The following FMNL2 variants were observed in gnomAD, a reference collection of about 807,000 sequenced individuals.
FMNL2 encodes formin-like protein 2.
FMNL2 carries 51 observed loss-of-function variants against 130.2 expected under a neutral mutation model. The observed-to-expected ratio is 0.39, with a 90% CI of 0.31 to 0.49. The LOEUF is 0.49. Ranked by LOEUF, FMNL2 falls within the 20% of genes least tolerant of loss-of-function variation. The probability of loss-of-function intolerance (pLI) is 0.85; values close to 1 mark genes in which losing one functional copy is unlikely to be tolerated. For missense variants in FMNL2, 977 were observed against 1,316.2 expected, an observed-to-expected ratio of 0.74 and a Z score of 3.99; for synonymous variants, 465 against 467.1, an observed-to-expected ratio of 1.00 and a Z score of 0.06.
intron 1 of FMNL2, among the ~76,000 whole-genome samples, chr2:152,440,038 A>C (rs1687974020): frequency 6.6e-6 from 1 of 152,078 alleles, no homozygotes. Flanking sequence ...GATAAGCCAC[A>C]AAATGAGAAG....
Position 152,575,531 on chromosome 2 carries a change from G to A in FMNL2, c.705+287G>A, listed in dbSNP as rs73969130. 5.7e-3 allele frequency among the ~76,000 whole-genome samples: 863 copies of A among 151,972 alleles called. 3 individuals are homozygous for A. Among genetic ancestry groups the A allele is most frequent in the African/African-American group, 0.017 (688 of 41,470 alleles). ...TTTGAAGTAAATGCCAGGATTTAACGAGATTCTATTAAAAAAGAAAGGCCT... is the reference window on the plus strand; with the variant it reads ...TTTGAAGTAAATGCCAGGATTTAACAAGATTCTATTAAAAAAGAAAGGCCT... On this transcript the variant is annotated intron_variant, in intron 7 of 25. Transcript: ENST00000288670.
chr2:152,442,398 C>A (rs1051603515), intron 1 of FMNL2, among the ~76,000 whole-genome samples: 1 of 151,826 alleles, frequency 6.6e-6, no homozygotes, highest in African/African-American at 2.4e-5. Context: ...ATTACAGGTG[C>A]CTGCCACCAT....
At chr2:152,572,160 A>G (rs1471062444) in intron 6 of FMNL2, among the ~76,000 whole-genome samples, 1 of 152,114 alleles carries the variant, frequency 6.6e-6, no homozygotes, top group East Asian at 1.9e-4. Context: ...CATCGGGTAG[A>G]TCAGGACCAG....
intron 1 of FMNL2, among the ~76,000 whole-genome samples, chr2:152,450,737 G>T (rs561676995): frequency 1.3e-5 from 2 of 152,078 alleles, no homozygotes; most frequent in Admixed American, 1.3e-4. Context: ...ACCTCCCATC[G>T]CAGTCTCCTC....
At chr2:152,440,234 G>A (rs932111121) in intron 1 of FMNL2, among the ~76,000 whole-genome samples, 2 of 152,112 alleles carry the variant, frequency 1.3e-5, no homozygotes, top group African/African-American at 2.4e-5. Flanking sequence ...GATTAGAGGC[G>A]TGAGCCACAA....
intron 25 of FMNL2, 72 bp from the exon 26 acceptor site, chr2:152,647,724 C>A: frequency 7.0e-7 from 1 of 1,428,294 alleles, no homozygotes; most frequent in Non-Finnish European, 9.9e-7. Context: ...TGGCTGCCAG[C>A]TGGCCTTTGT....
At chr2:152,542,862 T>C in intron 3 of FMNL2, 43 bp downstream of exon 3, 1 of 1,593,192 alleles carries the variant, frequency 6.3e-7, no homozygotes, top group African/African-American at 1.3e-5. Flanking sequence ...GCTTCCTTAT[T>C]AGCGAGCAGA....
chr2:152,370,609 G>A (rs1056801155), intron 1 of FMNL2, among the ~76,000 whole-genome samples: 1 of 152,184 alleles, frequency 6.6e-6, no homozygotes, highest in African/African-American at 2.4e-5. Context: ...GATAGGACCT[G>A]TGTTGGTCCC....
At chr2:152,631,392 C>CAAAAA (rs33966314) in intron 20 of FMNL2, among the ~76,000 whole-genome samples, 17 of 77,196 alleles carry the variant, frequency 2.2e-4, no homozygotes, top group African/African-American at 3.8e-4. Context: ...GACTCCATCT[C>CAAAAA]AAAAAAAAAA....
intron 4 of FMNL2, among the ~76,000 whole-genome samples, chr2:152,553,335 G>A (rs1038318812): frequency 2.0e-5 from 3 of 151,910 alleles, no homozygotes; most frequent in Non-Finnish European, 2.9e-5. Context: ...TATTAAGCAC[G>A]GTGTTAGGTA....
At chr2:152,455,050 C>A (rs1688874861) in intron 1 of FMNL2, among the ~76,000 whole-genome samples, 2 of 152,142 alleles carry the variant, frequency 1.3e-5, no homozygotes. Flanking sequence ...CTATGCCACA[C>A]AGAAGTCCTG....
At chr2:152,521,820 C>T (rs1464465084) in intron 1 of FMNL2, 123 bp from the exon 2 acceptor site, 3 of 750,582 alleles carry the variant, frequency 4.0e-6, no homozygotes, top group Non-Finnish European at 6.8e-6. Context: ...TAATCAGATA[C>T]TAGGAATTGA....
intron 1 of FMNL2, among the ~76,000 whole-genome samples, chr2:152,479,558 A>G (rs1190431040): frequency 1.3e-5 from 2 of 152,164 alleles, no homozygotes; most frequent in African/African-American, 4.8e-5. Context: ...CTAAGTCTGT[A>G]TGATATCAAT....
At chr2:152,455,052 G>C (rs181715553) in intron 1 of FMNL2, among the ~76,000 whole-genome samples, 4 of 152,192 alleles carry the variant, frequency 2.6e-5, no homozygotes, top group Admixed American at 6.5e-5. Context: ...ATGCCACACA[G>C]AAGTCCTGGG....
chr2:152,512,839 T>A (rs1173466561), intron 1 of FMNL2, among the ~76,000 whole-genome samples: 1 of 152,198 alleles, frequency 6.6e-6, no homozygotes, highest in Admixed American at 6.5e-5. Flanking sequence ...GGCACTTCTG[T>A]TCTAAGAAAA....
At chr2:152,584,334 C>G (rs1388273997) in intron 9 of FMNL2, among the ~76,000 whole-genome samples, 1 of 152,080 alleles carries the variant, frequency 6.6e-6, no homozygotes. Flanking sequence ...GGAAGGAGGA[C>G]CAAAGAAGAG....
Position 152,417,148 on chromosome 2 carries a change from A to T in FMNL2, c.117+81428A>T, listed in dbSNP as rs75380749. 6.6e-3 allele frequency among the ~76,000 whole-genome samples: 1,011 copies of T among 152,354 alleles called. 20 individuals carry two copies. The highest frequency in any genetic ancestry group is 0.023 in the African/African-American group (970 of 41,586). ...GAACACGAAATTACCTGAACAAACC[A>T]TAAGGTAGCATAGACGTTCAAATCT... On this transcript the variant is annotated intron_variant, in intron 1 of 25. Transcript: ENST00000288670.
chr2:152,454,949 G>GA (rs1468011828), intron 1 of FMNL2, among the ~76,000 whole-genome samples: 1 of 152,180 alleles, frequency 6.6e-6, no homozygotes, highest in Non-Finnish European at 1.5e-5. Flanking sequence ...GTCAGGGTGG[G>GA]AAAAGCCCAT....
intron 9 of FMNL2, among the ~76,000 whole-genome samples, chr2:152,593,552 A>T (rs1697548204): frequency 1.3e-5 from 2 of 152,180 alleles, no homozygotes. Flanking sequence ...ATGAATATGA[A>T]GCCAAAAAAT....
Sources: allele counts gnomAD v4.1 joint callset (sites outside exome capture counted in the v4.1 genomes callset), GRCh38; gene constraint gnomAD v4.1.1; transcripts MANE v1.5; gene names NCBI Gene and HGNC (gene_info 2026-07-23, HGNC 2026-07-21).